The following SMIM36 variants were observed in gnomAD, a reference collection of about 807,000 sequenced individuals.
SMIM36 encodes small integral membrane protein 36.
At chr17:55,459,961 C>T (rs1487476018) in intron 4 of SMIM36, among the ~76,000 whole-genome samples, 1 of 152,054 alleles carries the variant, frequency 6.6e-6, no homozygotes, top group Non-Finnish European at 1.5e-5. Flanking sequence ...CCACTGCACT[C>T]AGCCTGGGCA....
chr17:55,493,089 C>T (rs776678322), intron 1 of SMIM36, among the ~76,000 whole-genome samples: 14 of 152,236 alleles, frequency 9.2e-5, no homozygotes, highest in Admixed American at 1.3e-4. Flanking sequence ...CCCTGTTAAG[C>T]TTCCTGCTGC....
At chr17:55,501,338 A>ATTATATTCTATAATAGATAATATG (rs1909959517) in intron 1 of SMIM36, among the ~76,000 whole-genome samples, 6 of 18,280 alleles carry the variant, frequency 3.3e-4, no homozygotes, top group African/African-American at 1.1e-3. Context: ...TATATAATAT[A>ATTATATTCTATAATAGATAATATG]TTATATATTA....
intron 1 of SMIM36, among the ~76,000 whole-genome samples, chr17:55,484,750 T>C (rs1909576426): frequency 6.6e-6 from 1 of 152,234 alleles, no homozygotes; most frequent in Admixed American, 6.5e-5. Context: ...ATAATTGTAC[T>C]GGGACAAAAG....
intron 3 of SMIM36, among the ~76,000 whole-genome samples, chr17:55,470,378 A>G (rs1431949930): frequency 1.3e-5 from 2 of 152,108 alleles, no homozygotes; most frequent in African/African-American, 4.8e-5. Context: ...GGTAACTCTT[A>G]CAGTGGGAGG....
chr17:55,485,738 T>G (rs1442697006), intron 1 of SMIM36, among the ~76,000 whole-genome samples: 5 of 152,224 alleles, frequency 3.3e-5, no homozygotes, highest in Admixed American at 2.0e-4. Context: ...TATGTTATAG[T>G]TAATTTAATT....
intron 4 of SMIM36, among the ~76,000 whole-genome samples, chr17:55,460,319 T>G (rs1165550618): frequency 6.6e-6 from 1 of 151,800 alleles, no homozygotes; most frequent in African/African-American, 2.4e-5. Flanking sequence ...TCCCAGCTAC[T>G]TGGGAGGCTG....
chr17:55,455,575 A>G, intron 4 of SMIM36, among the ~76,000 whole-genome samples: 1 of 152,120 alleles, frequency 6.6e-6, no homozygotes, highest in Non-Finnish European at 1.5e-5. Context: ...GGATCAGTTG[A>G]GCCCAGGAGT....
the SMIM36 span, among the ~76,000 whole-genome samples, chr17:55,531,617 C>A: frequency 6.6e-6 from 1 of 152,066 alleles, no homozygotes; most frequent in Admixed American, 6.6e-5. Context: ...GCTGACGTAC[C>A]GAAAGAAATC....
chr17:55,511,449 AT>A (rs1352815340), upstream of SMIM36: 5 of 395,916 alleles, frequency 1.3e-5, no homozygotes, highest in African/African-American at 1.0e-4. Flanking sequence ...TGGAGTAAAA[AT>A]ACATTAATCC....
intron 1 of SMIM36, among the ~76,000 whole-genome samples, chr17:55,492,547 T>C (rs960982783): frequency 6.6e-6 from 1 of 151,688 alleles, no homozygotes; most frequent in African/African-American, 2.4e-5. Context: ...CATGAGCCAC[T>C]GCGCCCGGCT....
intron 1 of SMIM36, among the ~76,000 whole-genome samples, chr17:55,494,931 A>G (rs760176061): frequency 1.2e-4 from 18 of 152,204 alleles, no homozygotes; most frequent in Non-Finnish European, 2.2e-4. Context: ...TAAAATATAT[A>G]AAGTTGGGAA....
intron 4 of SMIM36, among the ~76,000 whole-genome samples, chr17:55,462,778 A>C (rs1598447754): frequency 6.6e-6 from 1 of 152,288 alleles, no homozygotes; most frequent in African/African-American, 2.4e-5. Context: ...TGTGGGTTAG[A>C]ATGCACAATC....
At chr17:55,478,356 C>T (rs2143271396) in intron 3 of SMIM36, among the ~76,000 whole-genome samples, 1 of 152,060 alleles carries the variant, frequency 6.6e-6, no homozygotes, top group South Asian at 2.1e-4. Context: ...GCCTCAGCCT[C>T]CCGAGTAGCT....
At chr17:55,523,767 G>T in the SMIM36 span, among the ~76,000 whole-genome samples, 1 of 152,150 alleles carries the variant, frequency 6.6e-6, no homozygotes, top group Non-Finnish European at 1.5e-5. Context: ...AATATTTTGA[G>T]TTGGGCTTTC....
At chr17:55,484,285 C>T (rs1458346924) in intron 1 of SMIM36, among the ~76,000 whole-genome samples, 1 of 152,132 alleles carries the variant, frequency 6.6e-6, no homozygotes, top group Admixed American at 6.5e-5. Flanking sequence ...CATTGCACTG[C>T]AGGATAACCA....
chr17:55,493,231 G>A (rs923373095), intron 1 of SMIM36, among the ~76,000 whole-genome samples: 15 of 152,096 alleles, frequency 9.9e-5, no homozygotes, highest in Non-Finnish European at 1.8e-4. Context: ...AAAGAGGCAG[G>A]GTCAAACATG....
At chr17:55,492,747 T>A (rs565188202) in intron 1 of SMIM36, among the ~76,000 whole-genome samples, 137 of 152,156 alleles carry the variant, frequency 9.0e-4, no homozygotes, top group Non-Finnish European at 1.6e-3. Context: ...TAAAAGGCAA[T>A]GTTCTACTAA....
At chr17:55,521,857 C>CTTTT in the SMIM36 span, among the ~76,000 whole-genome samples, 79 of 141,232 alleles carry the variant, frequency 5.6e-4, no homozygotes, top group Admixed American at 1.1e-3. Flanking sequence ...ACCGCTTTGA[C>CTTTT]TTTTTTTTTT....
intron 3 of SMIM36, among the ~76,000 whole-genome samples, chr17:55,474,062 C>T (rs1375324559): frequency 6.6e-6 from 1 of 152,074 alleles, no homozygotes; most frequent in East Asian, 1.9e-4. Context: ...CAATCACGAC[C>T]CTCTCACGCG....
Sources: allele counts gnomAD v4.1 joint callset (sites outside exome capture counted in the v4.1 genomes callset), GRCh38; gene constraint gnomAD v4.1.1; transcripts MANE v1.5; gene names NCBI Gene and HGNC (gene_info 2026-07-23, HGNC 2026-07-21).